The following LNX2 variants were observed in gnomAD, a reference collection of about 807,000 sequenced individuals.
LNX2 encodes ligand of Numb protein X 2.
LNX2 carries 35 observed loss-of-function variants against 66.2 expected under a neutral mutation model. The ratio of observed to expected loss-of-function variants is 0.53; its 90% CI spans 0.40 to 0.70. The LOEUF (loss-of-function observed/expected upper bound fraction) is 0.70. Among genes scored for constraint, LNX2 ranks in the 30% least tolerant of loss-of-function variants. The pLI, the probability that LNX2 is intolerant of heterozygous loss-of-function variation, is 0.00. For missense variants in LNX2, 791 were observed against 850.8 expected (o/e 0.93, Z 0.87); for synonymous variants, 337 against 315.6 (o/e 1.07, Z -0.72).
At chr13:27,565,151 T>A (rs559121678) in intron 4 of LNX2, among the ~76,000 whole-genome samples, 2 of 152,186 alleles carry the variant, frequency 1.3e-5, no homozygotes, top group South Asian at 4.1e-4. Flanking sequence ...TTCCCAAAAA[T>A]ATGGTTGATA....
intron 4 of LNX2, among the ~76,000 whole-genome samples, chr13:27,564,545 A>C (rs1422238399): frequency 6.6e-6 from 1 of 152,202 alleles, no homozygotes; most frequent in Non-Finnish European, 1.5e-5. Flanking sequence ...AACTGCTCAA[A>C]GAGGCTGCAT....
Position 27,562,437 on chromosome 13 carries a change from C to G in LNX2, c.1200G>C (p.Pro400=), listed in dbSNP as rs377695945. 4 of 1,613,746 alleles carry G rather than the reference C, an allele frequency of 2.5e-6. No homozygotes were observed. The highest frequency in any genetic ancestry group is 3.4e-6 in the Non-Finnish European group (4 of 1,179,860). Reference sequence around the variant, plus strand: ...CCTGAATAATCTGGGCAGCAAGCTCCGGAGTTCCATACTTCAGGTCGTGCC... The same window carrying G: ...CCTGAATAATCTGGGCAGCAAGCTCGGGAGTTCCATACTTCAGGTCGTGCC... ...INGHDLKYGT[P]ELAAQIIQAS... The change falls in exon 5 of 10, where the codon CCG becomes CCC. Residue 400 remains proline, a synonymous_variant. Transcript: ENST00000316334.
At chr13:27,564,883 T>C (rs1955185869) in intron 4 of LNX2, among the ~76,000 whole-genome samples, 1 of 152,126 alleles carries the variant, frequency 6.6e-6, no homozygotes, top group African/African-American at 2.4e-5. Flanking sequence ...TAACCATAAA[T>C]AGTCCATATG....
At chr13:27,562,389 G>A (rs1955145436) in intron 5 of LNX2, 24 bp downstream of exon 5, 1 of 1,591,444 alleles carries the variant, frequency 6.3e-7, no homozygotes, top group South Asian at 1.1e-5. Context: ...CCAAGCCTTT[G>A]GAATGAAGGC....
At position 27,559,829 on chromosome 13, in the gene LNX2, A is replaced by G. The variant is rs748482838; in HGVS notation, c.1368+13T>C. On this transcript the variant is annotated intron_variant, in intron 6 of 9. Transcript: ENST00000316334. ...CCTTTGATGGTGGCATAAAAAAAAAAAAAAATCCTCACCTTATGTGAGCTT... is the reference window on the plus strand; with the variant it reads ...CCTTTGATGGTGGCATAAAAAAAAAGAAAAATCCTCACCTTATGTGAGCTT... The G allele has an allele frequency of 1.3e-6, 2 of 1,499,684 alleles. No individual in the cohort carries two copies. Among genetic ancestry groups the G allele is most frequent in the East Asian group, 4.8e-5 (2 of 41,860 alleles). The allele number at this position is 1,499,684 out of a possible 1,614,324, so 92.9% of individuals were successfully genotyped here. A position where few individuals can be genotyped will look rare whatever the true frequency, so the allele number is the denominator to read the frequency against.
chr13:27,558,993 A>T (rs1030848152), intron 6 of LNX2, among the ~76,000 whole-genome samples: 1 of 152,184 alleles, frequency 6.6e-6, no homozygotes, highest in Non-Finnish European at 1.5e-5. Context: ...AATTTTACTT[A>T]AGGAGAATTA....
chr13:27,560,921 T>G (rs528636262), intron 5 of LNX2, among the ~76,000 whole-genome samples: 3 of 152,258 alleles, frequency 2.0e-5, no homozygotes, highest in South Asian at 2.1e-4. Flanking sequence ...AATCTTACAT[T>G]AGAAAAGAAG....
chr13:27,585,823 G>A (rs987325691), intron 1 of LNX2, among the ~76,000 whole-genome samples: 1 of 151,774 alleles, frequency 6.6e-6, no homozygotes, highest in Non-Finnish European at 1.5e-5. Context: ...CCCACATGAT[G>A]ACTAAGAAAG....
Position 27,547,162 on chromosome 13 carries a change from ATCATT to A in LNX2, c.*1168_*1172del, listed in dbSNP as rs752364365. The A allele has an allele frequency of 5.9e-5, 9 of 152,224 alleles. No individual in the cohort carries two copies. The highest frequency in any genetic ancestry group is 1.3e-4 in the Non-Finnish European group (9 of 68,030). The allele number at this position is 152,224 out of a possible 1,614,324, so 9.4% of individuals were successfully genotyped here. ...TATTTAATAATATGGTTTTATCTTT[ATCATT>A]TCGTTTAATCGCATAAATCACAAAA... On this transcript the variant is annotated 3_prime_UTR_variant, in exon 10 of 10. Coordinates refer to ENST00000316334, the MANE Select transcript of LNX2 (RefSeq NM_153371.4).
At chr13:27,570,185 G>A (rs938678299) in intron 2 of LNX2, among the ~76,000 whole-genome samples, 1 of 152,158 alleles carries the variant, frequency 6.6e-6, no homozygotes, top group Admixed American at 6.5e-5. Flanking sequence ...GTGAAGGAAA[G>A]TTGGACACAT....
At chr13:27,597,319 G>C (rs935650371) in intron 1 of LNX2, among the ~76,000 whole-genome samples, 5 of 152,172 alleles carry the variant, frequency 3.3e-5, no homozygotes, top group African/African-American at 1.2e-4. Flanking sequence ...AAAGTGTTAT[G>C]CAAGTATAGG....
In LNX2 at chr13:27,560,565, GTATA is replaced by G. The variant is rs71083675; in HGVS notation, c.1225-584_1225-581del. Among the ~76,000 whole-genome samples the G allele has an allele frequency of 4.3e-3, 520 of 119,988 alleles. 28 individuals are homozygous for G. Among genetic ancestry groups the G allele is most frequent in the African/African-American group, 0.016 (492 of 30,028 alleles). 78.7% of individuals were successfully genotyped at this position (119,988 alleles called of 152,430 possible). A position where few individuals can be genotyped will look rare whatever the true frequency, so the allele number is the denominator to read the frequency against. On this transcript the variant is annotated intron_variant, in intron 5 of 9. Transcript: ENST00000316334. ...ATAACAAGACTTTATATGTATGTGT[GTATA>G]TATATATATATATATAGCATACTTG...
chr13:27,603,503 A>C (rs1955680518), intron 1 of LNX2, among the ~76,000 whole-genome samples: 1 of 152,246 alleles, frequency 6.6e-6, no homozygotes. Context: ...TTTTCAATAC[A>C]GTAGGCTTAC....
At chr13:27,565,606 G>A (rs1011880386) in intron 4 of LNX2, among the ~76,000 whole-genome samples, 3 of 152,112 alleles carry the variant, frequency 2.0e-5, no homozygotes. Context: ...ATGCAGCTAG[G>A]ATAACTAAAT....
rs747606500 is a variant in LNX2, at chr13:27,581,673, C to T, written c.31G>A (p.Val11Met). 4.3e-6 allele frequency: 7 copies of T among 1,610,076 alleles called. No individual in the cohort carries two copies. The highest frequency in any genetic ancestry group is 1.7e-5 in the Admixed American group (1 of 59,136). The change falls in exon 2 of 10, where the codon GTG becomes ATG. Residue 11 changes from valine to methionine, a missense_variant. Transcript: ENST00000316334. MGTTSDEMVS[V>M]EQTSSSSLNP... ...AGAGAAGAGGAGGAGGTCTGTTCCA[C>T]AGACACCATCTCATCACTTGTTGTT...
chr13:27,561,425 T>C (rs1955134473), intron 5 of LNX2, among the ~76,000 whole-genome samples: 1 of 152,204 alleles, frequency 6.6e-6, no homozygotes, highest in African/African-American at 2.4e-5. Flanking sequence ...AGCTGGGTTT[T>C]AGTGGTGCAG....
intron 1 of LNX2, among the ~76,000 whole-genome samples, chr13:27,617,976 G>A (rs1374195304): frequency 6.6e-6 from 1 of 152,208 alleles, no homozygotes; most frequent in African/African-American, 2.4e-5. Context: ...GGCATTACAT[G>A]CATAATTCCT....
At chr13:27,549,716 T>C (rs756420775) in intron 9 of LNX2, among the ~76,000 whole-genome samples, 2 of 152,244 alleles carry the variant, frequency 1.3e-5, no homozygotes, top group Admixed American at 1.3e-4. Flanking sequence ...CTGTAAGCTA[T>C]TGTACATTCA....
chr13:27,593,734 T>TGTG (rs1566128669), intron 1 of LNX2, among the ~76,000 whole-genome samples: 1 of 143,846 alleles, frequency 7.0e-6, no homozygotes, highest in Admixed American at 6.9e-5. Context: ...CGCCTGGTTT[T>TGTG]TGTGTGTGTG....
Sources: allele counts gnomAD v4.1 joint callset (sites outside exome capture counted in the v4.1 genomes callset), GRCh38; gene constraint gnomAD v4.1.1; transcripts MANE v1.5; gene names NCBI Gene and HGNC (gene_info 2026-07-23, HGNC 2026-07-21).